The following INPP5A variants were observed in gnomAD, a reference collection of about 807,000 sequenced individuals.
The protein encoded by INPP5A is 43 kDa inositol polyphosphate 5-phophatase.
INPP5A carries 14 observed loss-of-function variants against 65.2 expected under a neutral mutation model. The observed-to-expected ratio is 0.21, with a 90% CI of 0.14 to 0.34. The LOEUF is 0.34. INPP5A is among the 10% of genes least tolerant of loss of function. The pLI is 1.00. For missense variants in INPP5A, 431 were observed against 545.6 expected (o/e 0.79, Z 2.09); for synonymous variants, 207 against 208.3 (o/e 0.99, Z 0.05).
At chr10:132,643,806 A>G (rs760440891) in intron 2 of INPP5A, among the ~76,000 whole-genome samples, 2 of 152,070 alleles carry the variant, frequency 1.3e-5, no homozygotes, top group Non-Finnish European at 2.9e-5. Context: ...AGCATCCATC[A>G]CCTTGGGTCC....
chr10:132,747,759 G>A (rs1447822992), intron 9 of INPP5A, among the ~76,000 whole-genome samples: 2 of 152,240 alleles, frequency 1.3e-5, no homozygotes, highest in African/African-American at 4.8e-5. Flanking sequence ...TAAAAAAACA[G>A]ATTTATAGGC....
chr10:132,683,853 T>A (rs2073083997), intron 4 of INPP5A, among the ~76,000 whole-genome samples: 2 of 152,180 alleles, frequency 1.3e-5, no homozygotes, highest in South Asian at 2.1e-4. Flanking sequence ...TAGCTGGGAT[T>A]ACAAGCATGG....
chr10:132,626,399 G>A (rs2072184576), intron 2 of INPP5A, among the ~76,000 whole-genome samples: 1 of 152,222 alleles, frequency 6.6e-6, no homozygotes, highest in Non-Finnish European at 1.5e-5. Context: ...GTGTGTTGAA[G>A]GCTTCAAGGA....
chr10:132,620,818 C>T (rs937401147), intron 2 of INPP5A, among the ~76,000 whole-genome samples: 1 of 152,142 alleles, frequency 6.6e-6, no homozygotes, highest in African/African-American at 2.4e-5. Context: ...TCTACAGAGC[C>T]TTTAGAAGAA....
At chr10:132,593,694 A>G (rs985914878) in intron 1 of INPP5A, among the ~76,000 whole-genome samples, 8 of 151,756 alleles carry the variant, frequency 5.3e-5, no homozygotes, top group Non-Finnish European at 1.0e-4. Flanking sequence ...GCTAAGATGT[A>G]TTTTTTTCTT....
chr10:132,588,116 C>G (rs927937364), intron 1 of INPP5A, among the ~76,000 whole-genome samples: 8 of 151,202 alleles, frequency 5.3e-5, no homozygotes, highest in African/African-American at 1.9e-4. Context: ...ATTCAGTTTG[C>G]TAGCAGACAT....
intron 4 of INPP5A, among the ~76,000 whole-genome samples, chr10:132,670,646 C>G (rs918425222): frequency 6.6e-6 from 1 of 151,664 alleles, no homozygotes; most frequent in African/African-American, 2.4e-5. Context: ...CCTGCCTGCG[C>G]GCATCCCTGT....
chr10:132,628,464 G>GGGT (rs2072220019), intron 2 of INPP5A, among the ~76,000 whole-genome samples: 1 of 42,584 alleles, frequency 2.3e-5, no homozygotes, highest in Non-Finnish European at 4.6e-5. Context: ...CTCTGGTGGC[G>GGGT]GGGGGGGGGG....
intron 9 of INPP5A, among the ~76,000 whole-genome samples, chr10:132,728,709 G>A (rs910425373): frequency 5.9e-5 from 9 of 152,250 alleles, no homozygotes; most frequent in Non-Finnish European, 1.3e-4. Flanking sequence ...AGCAATTGGG[G>A]AAAGGTCAGG....
intron 1 of INPP5A, among the ~76,000 whole-genome samples, chr10:132,602,495 A>G (rs1354610425): frequency 1.3e-5 from 2 of 152,058 alleles, no homozygotes; most frequent in African/African-American, 4.8e-5. Context: ...GGGTTTTGTC[A>G]TGTTGGCCAG....
chr10:132,613,769 A>T (rs903313537), intron 2 of INPP5A, among the ~76,000 whole-genome samples: 1 of 152,214 alleles, frequency 6.6e-6, no homozygotes, highest in African/African-American at 2.4e-5. Context: ...GGGCCTCGCC[A>T]GGGCTGGATC....
chr10:132,710,758 AGGT>A (rs1196845545), intron 8 of INPP5A, among the ~76,000 whole-genome samples: 126 of 139,206 alleles, frequency 9.1e-4, no homozygotes, highest in African/African-American at 3.4e-3. Context: ...CTGGGCAGGT[AGGT>A]GTGAGTGGAG....
rs1413132528 is a variant in INPP5A, at chr10:132,575,503, C to T, written c.76-32412C>T. ...ATTAGTAACCAAACCGATCTAACCA[C>T]ATTCACAATCATTTGGAAACTGGTG... On this transcript the variant is annotated intron_variant, in intron 1 of 15. Transcript: ENST00000368594. The surrounding 1 kb of genome is among the most constrained non-coding windows in gnomAD (Gnocchi z 5.4). 6.6e-6 allele frequency among the ~76,000 whole-genome samples: 1 copy of T among 152,172 alleles called. No individual in the cohort carries two copies. The highest frequency in any genetic ancestry group is 1.5e-5 in the Non-Finnish European group (1 of 68,032).
At chr10:132,781,832 G>A (rs1280502685) in intron 14 of INPP5A, 29 bp from the exon 15 acceptor site, 3 of 1,598,024 alleles carry the variant, frequency 1.9e-6, no homozygotes, top group Admixed American at 1.7e-5. Flanking sequence ...CGTGCGCCGT[G>A]CTGACACCGT....
At chr10:132,647,051 C>T (rs1047635543) in intron 3 of INPP5A, among the ~76,000 whole-genome samples, 1 of 151,910 alleles carries the variant, frequency 6.6e-6, no homozygotes, top group African/African-American at 2.4e-5. Context: ...AAAGTGGTTT[C>T]AGCTGCTAAA....
intron 4 of INPP5A, among the ~76,000 whole-genome samples, chr10:132,657,721 T>G (rs577795350): frequency 6.6e-6 from 1 of 152,370 alleles, no homozygotes; most frequent in Admixed American, 6.5e-5. Flanking sequence ...TGATGGAGTT[T>G]ACGGATGTTC....
In INPP5A at chr10:132,762,033, G is replaced by A. The variant is rs921930297; in HGVS notation, c.904-3740G>A. On this transcript the variant is annotated intron_variant, in intron 11 of 15. Transcript: ENST00000368594. The surrounding 1 kb of genome is among the most constrained non-coding windows in gnomAD (Gnocchi z 4.6). ...AAGCTCCAGGGATGAATTAAGTGCC[G>A]GAGTAGACACAGCTGGAGAAGGGAT... 3.9e-5 allele frequency among the ~76,000 whole-genome samples: 6 copies of A among 152,188 alleles called. No homozygotes were observed. The highest frequency in any genetic ancestry group is 2.1e-4 in the South Asian group (1 of 4,830).
chr10:132,764,307 C>T (rs1223063807), intron 11 of INPP5A, among the ~76,000 whole-genome samples: 1 of 152,248 alleles, frequency 6.6e-6, no homozygotes. Flanking sequence ...GCTGTGGGGC[C>T]ATGACTAATG....
intron 9 of INPP5A, among the ~76,000 whole-genome samples, chr10:132,743,846 G>A (rs989346078): frequency 2.6e-5 from 4 of 152,358 alleles, no homozygotes; most frequent in Admixed American, 1.3e-4. Flanking sequence ...GGCCGGCCCC[G>A]GGGCTCAGAC....
Sources: allele counts gnomAD v4.1 joint callset (sites outside exome capture counted in the v4.1 genomes callset), GRCh38; gene constraint gnomAD v4.1.1; non-coding constraint Gnocchi (gnomAD v3.1); transcripts MANE v1.5; gene names NCBI Gene and HGNC (gene_info 2026-07-23, HGNC 2026-07-21).